EDIL3: variants seen among roughly 807,000 people sequenced by gnomAD.
The protein encoded by EDIL3 is EGF like and discoidin domains 3, also known as EGF-like repeat and discoidin I-like domain-containing protein 3.
In EDIL3, 37 loss-of-function variants were observed where a neutral mutation model predicts 67.4. That is an observed-to-expected ratio of 0.55 (90% CI 0.42 to 0.72). EDIL3 has a LOEUF of 0.72. Ranked by LOEUF, EDIL3 falls within the 30% of genes least tolerant of loss-of-function variation. The probability of loss-of-function intolerance (pLI) is 0.00; values close to 1 mark genes in which losing one functional copy is unlikely to be tolerated. For synonymous variants in EDIL3, 195 were observed against 196.3 expected (o/e 0.99, Z 0.05); for missense variants, 527 against 586.3 (o/e 0.90, Z 1.04).
intron 9 of EDIL3, among the ~76,000 whole-genome samples, chr5:84,046,871 G>A (rs1746233552): frequency 1.3e-5 from 2 of 152,112 alleles, no homozygotes; most frequent in South Asian, 2.1e-4. Context: ...AATTTCTGTC[G>A]TGGTTTTTCA....
At chr5:84,361,447 T>C (rs1747597625) in intron 1 of EDIL3, among the ~76,000 whole-genome samples, 1 of 152,122 alleles carries the variant, frequency 6.6e-6, no homozygotes, top group Admixed American at 6.6e-5. Flanking sequence ...TGCAAAATGA[T>C]TGAAGTGCAA....
In EDIL3 at chr5:84,098,152, A is replaced by C. The variant is rs575697573; in HGVS notation, c.651+8497T>G. Among the ~76,000 whole-genome samples the C allele has an allele frequency of 1.4e-3, 209 of 152,200 alleles. 3 individuals carry two copies. Among genetic ancestry groups the C allele is most frequent in the South Asian group, 0.014 (66 of 4,830 alleles). ...CATTTACCAACTCTTTAAATCCAGA[A>C]CCAGTTATGAGCATTGTGGTACTAT... On this transcript the variant is annotated intron_variant, in intron 6 of 10. Coordinates refer to ENST00000296591, the MANE Select transcript of EDIL3 (RefSeq NM_005711.5).
chr5:84,023,593 T>A (rs1266201483), intron 9 of EDIL3, among the ~76,000 whole-genome samples: 1 of 152,034 alleles, frequency 6.6e-6, no homozygotes, highest in Non-Finnish European at 1.5e-5. Flanking sequence ...AAGTATAGGC[T>A]ATTTGCTTGT....
chr5:84,258,970 CTTTTT>C (rs144344642), intron 1 of EDIL3, among the ~76,000 whole-genome samples: 3 of 77,922 alleles, frequency 3.9e-5, no homozygotes, highest in Admixed American at 1.5e-4. Context: ...TTCGTAGAGT[CTTTTT>C]TTTTTTTTTT....
At chr5:84,147,314 G>A (rs32598) in intron 4 of EDIL3, among the ~76,000 whole-genome samples, 53,781 of 151,798 alleles carry the variant, frequency 0.35, 10,386 homozygotes, top group East Asian at 0.74. Flanking sequence ...TTCTTTCTAT[G>A]GCTAATGGCA....
intron 1 of EDIL3, among the ~76,000 whole-genome samples, chr5:84,365,225 C>T (rs1258941003): frequency 6.6e-6 from 1 of 152,032 alleles, no homozygotes; most frequent in East Asian, 1.9e-4. Context: ...GTACTGAACA[C>T]AGAAACAACC....
intron 9 of EDIL3, among the ~76,000 whole-genome samples, chr5:84,005,022 G>A (rs563959593): frequency 4.5e-4 from 69 of 152,028 alleles, no homozygotes; most frequent in Admixed American, 3.4e-3. Context: ...AATTGATTCC[G>A]CAGAAATACT....
chr5:84,286,578 C>T (rs544361497), intron 1 of EDIL3, among the ~76,000 whole-genome samples: 9 of 152,058 alleles, frequency 5.9e-5, no homozygotes, highest in South Asian at 2.1e-4. Flanking sequence ...GTTAAACTTT[C>T]GCCAGGCTTT....
intron 4 of EDIL3, among the ~76,000 whole-genome samples, chr5:84,178,876 G>A (rs1215657623): frequency 6.6e-6 from 1 of 152,142 alleles, no homozygotes; most frequent in Admixed American, 6.5e-5. Context: ...TGTGGGGGTG[G>A]TCAGATGTAT....
At chr5:84,015,991 G>C (rs939745003) in intron 9 of EDIL3, among the ~76,000 whole-genome samples, 1 of 151,934 alleles carries the variant, frequency 6.6e-6, no homozygotes, top group Non-Finnish European at 1.5e-5. Context: ...TCATCACCCC[G>C]GTCTCCAGCC....
At chr5:84,069,506 C>T (rs945261227) in intron 6 of EDIL3, among the ~76,000 whole-genome samples, 1 of 152,016 alleles carries the variant, frequency 6.6e-6, no homozygotes, top group Non-Finnish European at 1.5e-5. Flanking sequence ...ACATTAACAA[C>T]ATCTGCCACC....
At chr5:84,254,668 G>T (rs902614864) in intron 1 of EDIL3, among the ~76,000 whole-genome samples, 1 of 152,286 alleles carries the variant, frequency 6.6e-6, no homozygotes, top group African/African-American at 2.4e-5. Flanking sequence ...CCAGTAGGTC[G>T]TTAACAGACT....
intron 3 of EDIL3, among the ~76,000 whole-genome samples, chr5:84,228,706 G>T (rs1163357374): frequency 6.6e-6 from 1 of 152,122 alleles, no homozygotes; most frequent in Non-Finnish European, 1.5e-5. Flanking sequence ...AGAAATGTAA[G>T]ATATTTATTT....
chr5:84,371,371 ATG>A (rs1339516425), intron 1 of EDIL3, among the ~76,000 whole-genome samples: 56 of 144,392 alleles, frequency 3.9e-4, no homozygotes, highest in Admixed American at 7.7e-4. Flanking sequence ...GTGTGTATAT[ATG>A]TATGTGTGTA....
chr5:84,253,835 TTATG>T (rs906502228), intron 2 of EDIL3, among the ~76,000 whole-genome samples: 2 of 151,730 alleles, frequency 1.3e-5, no homozygotes, highest in Admixed American at 1.3e-4. Flanking sequence ...AATGTTATAT[TTATG>T]TATTATTTGT....
chr5:83,947,035 G>A lies in EDIL3; in HGVS notation c.1294-3467C>T, dbSNP rs186751844. On this transcript the variant is annotated intron_variant, in intron 10 of 10. Coordinates refer to ENST00000296591, the MANE Select transcript of EDIL3 (RefSeq NM_005711.5). ...GGCTAAACATCAGCATTTTACATCAGTATTAAACACCAGTATTTTATTAAG... is the reference window on the plus strand; with the variant it reads ...GGCTAAACATCAGCATTTTACATCAATATTAAACACCAGTATTTTATTAAG... 2.0e-3 allele frequency among the ~76,000 whole-genome samples: 305 copies of A among 151,926 alleles called. 2 individuals are homozygous for A. The highest frequency in any genetic ancestry group is 7.0e-3 in the African/African-American group (289 of 41,484).
Position 84,252,999 on chromosome 5 carries a change from A to T in EDIL3, c.196+1085T>A, listed in dbSNP as rs185173870. On this transcript the variant is annotated intron_variant, in intron 2 of 10. Coordinates refer to ENST00000296591, the MANE Select transcript of EDIL3 (RefSeq NM_005711.5). ...ATATAAAAAATAAGGAAAATTCATT[A>T]AAAAAATAAAGCACACTACAATCCA... Among the ~76,000 whole-genome samples, 3 of 152,278 alleles carry T rather than the reference A, an allele frequency of 2.0e-5. No homozygotes were observed. In the East Asian group the frequency reaches 5.8e-4, roughly 29 times the overall value.
intron 4 of EDIL3, among the ~76,000 whole-genome samples, chr5:84,140,242 A>G (rs2112319124): frequency 6.6e-6 from 1 of 152,238 alleles, no homozygotes; most frequent in South Asian, 2.1e-4. Flanking sequence ...GGCTCTATAT[A>G]TTTTCTCATT....
At chr5:83,983,742 C>CT (rs550782079) in intron 9 of EDIL3, among the ~76,000 whole-genome samples, 18,313 of 126,876 alleles carry the variant, frequency 0.14, 1,407 homozygotes, top group East Asian at 0.3. Flanking sequence ...CAGGGACTTT[C>CT]TTTTTTTTTT....
Sources: gnomAD v4.1 joint callset for allele counts (sites outside exome capture counted in the v4.1 genomes callset) on GRCh38, gnomAD v4.1.1 for gene constraint, MANE v1.5 for transcripts, NCBI Gene and HGNC (gene_info 2026-07-23, HGNC 2026-07-21) for gene names.